The following CSPG4 variants were observed in gnomAD, a reference collection of about 807,000 sequenced individuals.
The protein encoded by CSPG4 is chondroitin sulfate proteoglycan 4.
In CSPG4, 74 loss-of-function variants were observed where a neutral mutation model predicts 139.3. The ratio of observed to expected loss-of-function variants is 0.53; its 90% confidence interval spans 0.44 to 0.64. The LOEUF is 0.64. Among genes scored for constraint, CSPG4 ranks in the 30% least tolerant of loss-of-function variants. The pLI is 0.00. For synonymous variants in CSPG4, 1,234 were observed against 1,394.2 expected (o/e 0.89, Z 2.56); for missense variants, 2,565 against 3,148.3 (o/e 0.81, Z 4.43).
At chr15:75,705,999 C>G (rs1325520723) in intron 1 of CSPG4, among the ~76,000 whole-genome samples, 4 of 152,202 alleles carry the variant, frequency 2.6e-5, no homozygotes, top group South Asian at 2.1e-4. Context: ...GTGCGTATGT[C>G]TGTGTCTCTG....
intron 1 of CSPG4, 109 bp from the exon 2 acceptor site, chr15:75,693,342 C>T: frequency 1.8e-6 from 2 of 1,094,140 alleles, no homozygotes; most frequent in Non-Finnish European, 2.6e-6. Flanking sequence ...GCTGGCGCAC[C>T]CTCATGGTTC....
Position 75,676,583 on chromosome 15 carries a change from T to C in CSPG4, c.5936A>G (p.Tyr1979Cys). The C allele has an allele frequency of 6.2e-7, 1 of 1,613,070 alleles. No homozygotes were observed. Among genetic ancestry groups the C allele is most frequent in the Non-Finnish European group, 8.5e-7 (1 of 1,179,866 alleles). The change falls in exon 10 of 10, where the codon TAC becomes TGC. Residue 1979 changes from tyrosine (Y) to cysteine (C), a missense_variant. Coordinates refer to ENST00000308508, the MANE Select transcript of CSPG4 (RefSeq NM_001897.5). ...VSDREEPEAA[Y>C]RLIQGPQYGH... is the part of the protein sequence containing the mutation. ...ATACTGGGGTCCCTGGATGAGGCGG[T>C]ATGCTGCCTCTGGCTCCTCCCGATC...
In CSPG4 at chr15:75,712,801, T is replaced by C. The variant is rs747731064; in HGVS notation, c.-46A>G. 21 of 1,465,068 alleles carry C rather than the reference T, an allele frequency of 1.4e-5. No homozygotes were observed. Among genetic ancestry groups the C allele is most frequent in the East Asian group, 1.3e-4 (5 of 37,362 alleles). The allele number at this position is 1,465,068 out of a possible 1,614,324, so 90.8% of individuals were successfully genotyped here. On this transcript the variant is annotated 5_prime_UTR_variant, in exon 1 of 10. Coordinates refer to ENST00000308508, the MANE Select transcript of CSPG4 (RefSeq NM_001897.5). ...GACTTGCGAGGAGCCAGCGGAGTCC[T>C]GGGAGCTGGGAGCTGAGTGGAGCGA...
In CSPG4 at chr15:75,688,368, C is replaced by T. The variant is rs144209551; in HGVS notation, c.2697G>A (p.Ala899=). 30 of 1,613,352 alleles carry T rather than the reference C, an allele frequency of 1.9e-5. No homozygotes were observed. Among genetic ancestry groups the T allele is most frequent in the African/African-American group, 6.7e-5 (5 of 75,054 alleles). Residue 899 remains alanine, a synonymous_variant, in exon 3 of 10, where the codon GCG becomes GCA. Coordinates refer to ENST00000308508, the MANE Select transcript of CSPG4 (RefSeq NM_001897.5). ...FPIHIGGDPD[A]PVLTNVLLVV... ...CGAGGAGGACATTGGTGAGGACAGG[C>T]GCATCTGGGTCACCACCAATGTGGA...
At position 75,677,719 on chromosome 15, in the gene CSPG4, G is replaced by A. The variant is rs1223931535; in HGVS notation, c.5118C>T (p.His1706=). ...FEAACPQRPS[H]LWKNKGLWVP... is the part of the protein sequence containing the mutation. Reference sequence around the variant, plus strand: ...GCTGTTCACCTTTGTTCTTCCAGAGGTGGCTGGGGCGCTGGGGACAGGCAG... The same window carrying A: ...GCTGTTCACCTTTGTTCTTCCAGAGATGGCTGGGGCGCTGGGGACAGGCAG... The change falls in exon 9 of 10, where the codon CAC becomes CAT. Residue 1706 remains histidine, a synonymous_variant. Coordinates refer to ENST00000308508, the MANE Select transcript of CSPG4 (RefSeq NM_001897.5). 2 of 1,603,154 alleles carry A rather than the reference G, an allele frequency of 1.2e-6. No homozygotes were observed. Among genetic ancestry groups the A allele is most frequent in the Non-Finnish European group, 1.7e-6 (2 of 1,175,552 alleles).
Position 75,684,762 on chromosome 15 carries a change from TG to T in CSPG4, c.4422del (p.Ile1475SerfsTer23). ...TGCAGGCCTGTGTTTGTAGTGAGGA[TG>T]GGGGGTTGGTCATTGACAGGCAGGA... ...VTVLPVNDQPPILTTNTGLQM... is the reference protein window; with the variant it reads ...VTVLPVNDQPXILTTNTGLQM... On this transcript the variant is annotated frameshift_variant, in exon 5 of 10. Transcript: ENST00000308508. LOFTEE classifies it high-confidence loss of function. 1.2e-6 allele frequency: 2 copies of T among 1,613,450 alleles called. No individual in the cohort carries two copies. Among genetic ancestry groups the T allele is most frequent in the Non-Finnish European group, 1.7e-6 (2 of 1,179,800 alleles).
Position 75,675,014 on chromosome 15 carries a change from C to T in CSPG4, c.*536G>A. ...TTCTAGACTGGAGGCGCTCTCTCCT[C>T]TTGCCCTCTACTCCAGGGGATACCA... On this transcript the variant is annotated 3_prime_UTR_variant, in exon 10 of 10. Coordinates refer to ENST00000308508, the MANE Select transcript of CSPG4 (RefSeq NM_001897.5). 2.5e-6 allele frequency: 1 copy of T among 393,390 alleles called. No individual in the cohort carries two copies. The highest frequency in any genetic ancestry group is 2.1e-5 in the African/African-American group (1 of 48,650). The allele number at this position is 393,390 out of a possible 1,614,324, so 24.4% of individuals were successfully genotyped here. A position where few individuals can be genotyped will look rare whatever the true frequency, so the allele number is the denominator to read the frequency against.
chr15:75,704,925 C>T (rs1275784071), intron 1 of CSPG4, among the ~76,000 whole-genome samples: 7 of 152,342 alleles, frequency 4.6e-5, no homozygotes, highest in Admixed American at 2.6e-4. Context: ...TGGCCTCCAG[C>T]CCCCACCTCC....
At chr15:75,681,970 C>G (rs759895165) in intron 8 of CSPG4, among the ~76,000 whole-genome samples, 1 of 152,182 alleles carries the variant, frequency 6.6e-6, no homozygotes, top group African/African-American at 2.4e-5. Flanking sequence ...CCACTAGTGC[C>G]CCCACATGGT....
chr15:75,676,140 C>T lies in CSPG4; in HGVS notation c.6379G>A (p.Val2127Met). Reference protein sequence around the residue: ...DLEDGRLGLEVGRPEGRAPGP... With the variant: ...DLEDGRLGLEMGRPEGRAPGP... ...GGGGCCCTCCCCTCTGGCCTGCCCACCTCCAGCCCCAGCCTCCCGTCCTCA... is the reference window on the plus strand; with the variant it reads ...GGGGCCCTCCCCTCTGGCCTGCCCATCTCCAGCCCCAGCCTCCCGTCCTCA... Residue 2127 changes from valine (V) to methionine (M), a missense_variant, in exon 10 of 10, where the codon GTG becomes ATG. By Grantham distance (21) the Val-to-Met change is conservative. Transcript: ENST00000308508. 1 of 1,543,996 alleles carries T rather than the reference C, an allele frequency of 6.5e-7. No individual in the cohort carries two copies. Among genetic ancestry groups the T allele is most frequent in the Non-Finnish European group, 8.7e-7 (1 of 1,150,984 alleles).
intron 1 of CSPG4, among the ~76,000 whole-genome samples, chr15:75,694,719 G>C (rs1229857958): frequency 6.6e-6 from 1 of 152,234 alleles, no homozygotes; most frequent in African/African-American, 2.4e-5. Context: ...CAGCACTGCT[G>C]GCAATACCAG....
At chr15:75,697,219 T>C (rs1472659616) in intron 1 of CSPG4, among the ~76,000 whole-genome samples, 1 of 152,196 alleles carries the variant, frequency 6.6e-6, no homozygotes, top group Non-Finnish European at 1.5e-5. Context: ...CCTCCGGCCA[T>C]CCCTGCTGCC....
intron 1 of CSPG4, among the ~76,000 whole-genome samples, chr15:75,708,651 G>C (rs901168694): frequency 1.3e-5 from 2 of 152,208 alleles, no homozygotes; most frequent in Admixed American, 1.3e-4. Flanking sequence ...TGGGGTGAGT[G>C]AGAACACCAC....
chr15:75,683,584 G>A (rs769222790), intron 5 of CSPG4, among the ~76,000 whole-genome samples: 14 of 152,232 alleles, frequency 9.2e-5, no homozygotes, highest in Non-Finnish European at 1.5e-4. Context: ...AATCAGCGTG[G>A]GATGGGCCCA....
Position 75,712,674 on chromosome 15 carries a change from A to G in CSPG4, c.82T>C (p.Ser28Pro). 1 of 1,561,766 alleles carries G rather than the reference A, an allele frequency of 6.4e-7. No homozygotes were observed. The highest frequency in any genetic ancestry group is 8.7e-7 in the Non-Finnish European group (1 of 1,153,360). ...TCTCAGGCCCCTCACTCACCCGCGG[A>G]TGCAAGTCTGGCCAACATAGTCAGG... ...LTLTMLARLA[S>P]AASFFGENHL... Residue 28 changes from serine (S) to proline (P), a missense_variant, in exon 1 of 10, where the codon TCC becomes CCC. Around this residue, in one of 5 missense-constraint regions of CSPG4, gnomAD observed 47 missense variants for 48.7 expected, o/e 0.97. Transcript: ENST00000308508.
At position 75,693,181 on chromosome 15, in the gene CSPG4, G is replaced by A. The variant is rs1392778635; in HGVS notation, c.141C>T (p.Thr47=). Residue 47 remains threonine (T), a synonymous_variant, in exon 2 of 10, where the codon ACC becomes ACT. Transcript: ENST00000308508. The part of the protein sequence containing the change: ...HLEVPVATAL[T]DIDLQLQFST... Reference sequence around the variant, plus strand: ...AGAACTGCAGCTGCAGGTCTATGTCGGTCAGAGCCGTGGCCACAGGCACCT... The same window carrying A: ...AGAACTGCAGCTGCAGGTCTATGTCAGTCAGAGCCGTGGCCACAGGCACCT... 7.5e-6 allele frequency: 12 copies of A among 1,610,118 alleles called. No homozygotes were observed. The highest frequency in any genetic ancestry group is 2.3e-4 in the Middle Eastern group (1 of 4,428).
chr15:75,678,110 C>T lies in CSPG4; in HGVS notation c.4951-224G>A, dbSNP rs138967830. Among the ~76,000 whole-genome samples the T allele has an allele frequency of 3.1e-3, 474 of 152,332 alleles. 1 individual carries two copies. Among genetic ancestry groups the T allele is most frequent in the Non-Finnish European group, 5.4e-3 (365 of 68,030 alleles). ...CTGGGCTCAAACCCCAACTCTGCCA[C>T]CCTGGGGAAATCGCCTAATTTCTCT... On this transcript the variant is annotated intron_variant, in intron 8 of 9. Coordinates refer to ENST00000308508, the MANE Select transcript of CSPG4 (RefSeq NM_001897.5).
chr15:75,678,610 T>C, intron 8 of CSPG4: 1 of 455,148 alleles, frequency 2.2e-6, no homozygotes, highest in South Asian at 1.6e-5. Context: ...TGCCTCGGCC[T>C]CCCAGAGTGC....
chr15:75,705,841 G>T (rs2141440262), intron 1 of CSPG4, among the ~76,000 whole-genome samples: 1 of 152,244 alleles, frequency 6.6e-6, no homozygotes, highest in African/African-American at 2.4e-5. Context: ...GTGTGTGTGT[G>T]TATCTGTGTC....
Sources: gnomAD v4.1 joint callset for allele counts (sites outside exome capture counted in the v4.1 genomes callset) on GRCh38, gnomAD v4.1.1 for gene constraint, gnomAD v4.1.1 regional missense constraint, MANE v1.5 for transcripts, NCBI Gene and HGNC (gene_info 2026-07-23, HGNC 2026-07-21) for gene names.